CHD6: variants seen among roughly 807,000 people sequenced by gnomAD.
CHD6 encodes ATP-dependent chromatin remodeler CHD6.
CHD6 carries 50 observed loss-of-function variants against 276.9 expected under a neutral mutation model. The ratio of observed to expected loss-of-function variants is 0.18; its 90% confidence interval spans 0.14 to 0.23. CHD6 has a LOEUF of 0.23. Among genes scored for constraint, CHD6 ranks in the 10% least tolerant of loss-of-function variants. The probability of loss-of-function intolerance (pLI) is 1.00; values close to 1 mark genes in which losing one functional copy is unlikely to be tolerated. For synonymous variants in CHD6, 1,173 were observed against 1,229.3 expected (o/e 0.95, Z 0.96); for missense variants, 2,564 against 3,365.8 (o/e 0.76, Z 5.89).
chr20:41,491,860 GT>G (rs1325791950), intron 10 of CHD6, 41 bp from the exon 11 acceptor site: 1 of 1,610,286 alleles, frequency 6.2e-7, no homozygotes, highest in African/African-American at 1.3e-5. Flanking sequence ...AGAGAATGAT[GT>G]TTTAGGAGCA....
intron 1 of CHD6, among the ~76,000 whole-genome samples, chr20:41,616,530 G>C (rs1475465814): frequency 6.6e-6 from 1 of 152,136 alleles, no homozygotes. Flanking sequence ...GGAAAGATGT[G>C]TGCAGGATAG....
intron 1 of CHD6, among the ~76,000 whole-genome samples, chr20:41,595,680 G>A (rs2045709717): frequency 6.6e-6 from 1 of 152,096 alleles, no homozygotes; most frequent in African/African-American, 2.4e-5. Context: ...TAGCCCTCCA[G>A]GTCTCATGTT....
At chr20:41,561,296 C>G (rs996351726) in intron 1 of CHD6, among the ~76,000 whole-genome samples, 5 of 152,296 alleles carry the variant, frequency 3.3e-5, no homozygotes, top group African/African-American at 1.2e-4. Context: ...AAGCCATGAA[C>G]TATACTTTGC....
rs550361651 is a variant in CHD6, at chr20:41,433,876, T to C, written c.4068+3398A>G. Reference sequence around the variant, plus strand: ...CACTTCACTTAAGCTGATAAAATGATAGCATTAGTAGACGGTGATACATTA... The same window carrying C: ...CACTTCACTTAAGCTGATAAAATGACAGCATTAGTAGACGGTGATACATTA... On this transcript the variant is annotated intron_variant, in intron 27 of 36. Transcript: ENST00000373233. Among the ~76,000 whole-genome samples the C allele has an allele frequency of 5.3e-5, 8 of 152,228 alleles. 1 individual carries two copies. The highest frequency in any genetic ancestry group is 1.9e-4 in the African/African-American group (8 of 41,524).
At chr20:41,513,619 C>T (rs994043825) in intron 4 of CHD6, among the ~76,000 whole-genome samples, 23 of 152,102 alleles carry the variant, frequency 1.5e-4, no homozygotes, top group African/African-American at 5.6e-4. Flanking sequence ...AGAAGCTGTA[C>T]CTTTTAATAA....
intron 34 of CHD6, chr20:41,414,214 G>A (rs567638673): frequency 6.6e-6 from 1 of 152,324 alleles, no homozygotes; most frequent in Admixed American, 6.5e-5. Context: ...CATAACCCAA[G>A]CAATATGGCT....
chr20:41,485,622 A>G (rs2043394019), intron 14 of CHD6: 2 of 150,944 alleles, frequency 1.3e-5, no homozygotes, highest in Admixed American at 6.6e-5. Context: ...CAGAACGTTT[A>G]TTTACTGTGT....
intron 2 of CHD6, among the ~76,000 whole-genome samples, 183 bp downstream of exon 2, chr20:41,551,122 C>T (rs73265438): frequency 0.054 from 8,169 of 152,202 alleles, 756 homozygotes; most frequent in African/African-American, 0.19. Flanking sequence ...TGAAGATGAA[C>T]TGAGCAACAA....
rs186818964 is a variant in CHD6, at chr20:41,591,301, G to A, written c.-24+27039C>T. ...GGTACAGCACACCAACATGGCACAT[G>A]TATACCTATGTAACAAACCTGCACA... On this transcript the variant is annotated intron_variant, in intron 1 of 36. Coordinates refer to ENST00000373233, the MANE Select transcript of CHD6 (RefSeq NM_032221.5). 1.3e-3 allele frequency among the ~76,000 whole-genome samples: 197 copies of A among 151,010 alleles called. 7 individuals are homozygous for A. In the East Asian group the frequency reaches 0.035, roughly 27 times the overall value.
At chr20:41,528,200 A>G (rs2044590943) in intron 3 of CHD6, among the ~76,000 whole-genome samples, 1 of 152,188 alleles carries the variant, frequency 6.6e-6, no homozygotes, top group Non-Finnish European at 1.5e-5. Flanking sequence ...ATTATATTCA[A>G]TATAATGAAC....
intron 1 of CHD6, among the ~76,000 whole-genome samples, chr20:41,612,846 A>T (rs1167035310): frequency 6.6e-6 from 1 of 152,158 alleles, no homozygotes; most frequent in African/African-American, 2.4e-5. Context: ...TAATCTAATT[A>T]TTATTATCTA....
At chr20:41,488,011 T>C (rs778317388) in intron 13 of CHD6, among the ~76,000 whole-genome samples, 1 of 152,150 alleles carries the variant, frequency 6.6e-6, no homozygotes, top group Non-Finnish European at 1.5e-5. Context: ...AGCAGCACGT[T>C]CATGTTAATT....
At chr20:41,597,359 C>A (rs530248966) in intron 1 of CHD6, among the ~76,000 whole-genome samples, 1 of 152,266 alleles carries the variant, frequency 6.6e-6, no homozygotes, top group South Asian at 2.1e-4. Flanking sequence ...ACGGACCTCC[C>A]GACATTTGAG....
intron 2 of CHD6, among the ~76,000 whole-genome samples, chr20:41,545,154 A>C (rs528514524): frequency 1.3e-5 from 2 of 152,288 alleles, no homozygotes; most frequent in African/African-American, 4.8e-5. Context: ...TCTCTTCCAC[A>C]GGTCCAGCAA....
intron 1 of CHD6, among the ~76,000 whole-genome samples, chr20:41,615,298 A>C (rs7263463): frequency 0.35 from 52,844 of 151,342 alleles, 11,892 homozygotes; most frequent in African/African-American, 0.62. Context: ...CCAGGTATTC[A>C]ATCAATGCTA....
intron 1 of CHD6, among the ~76,000 whole-genome samples, chr20:41,583,697 A>G (rs1043604930): frequency 5.3e-5 from 8 of 152,166 alleles, no homozygotes; most frequent in Admixed American, 4.6e-4. Flanking sequence ...AGTGTATTGT[A>G]GAGATTATAA....
intron 18 of CHD6, among the ~76,000 whole-genome samples, chr20:41,456,891 G>A (rs1385904008): frequency 1.3e-5 from 2 of 152,144 alleles, no homozygotes; most frequent in Admixed American, 1.3e-4. Context: ...GGGCCGAGGG[G>A]ACATAGATAA....
chr20:41,529,705 G>A (rs6102452), intron 3 of CHD6, among the ~76,000 whole-genome samples: 71,090 of 151,734 alleles, frequency 0.47, 17,990 homozygotes, highest in African/African-American at 0.67. Context: ...TAATCGAGTT[G>A]GCCAGGTATA....
intron 4 of CHD6, 77 bp from the exon 5 acceptor site, chr20:41,513,072 A>G: frequency 1.4e-6 from 2 of 1,471,916 alleles, no homozygotes; most frequent in Non-Finnish European, 1.9e-6. Context: ...CCTCATCTAC[A>G]TTTACTAACA....
Sources: gnomAD v4.1 joint callset for allele counts (sites outside exome capture counted in the v4.1 genomes callset) on GRCh38, gnomAD v4.1.1 for gene constraint, MANE v1.5 for transcripts, NCBI Gene and HGNC (gene_info 2026-07-23, HGNC 2026-07-21) for gene names.